The following LCNL1 variants were observed in gnomAD, a reference collection of about 807,000 sequenced individuals.
LCNL1 encodes lipocalin-like 1 protein.
A neutral mutation model predicts 7.9 loss-of-function variants in LCNL1; 11 were observed. That is an observed-to-expected ratio of 1.40 (90% CI 0.88 to 2.32). LCNL1 has a LOEUF of 2.32. Ranked by LOEUF, LCNL1 falls within the 30% of genes most tolerant of loss-of-function variation. The pLI is 0.00. For synonymous variants in LCNL1, 90 were observed against 92.5 expected, an observed-to-expected ratio of 0.97 and a Z score of 0.15; for missense variants, 218 against 217.0, an observed-to-expected ratio of 1.00 and a Z score of -0.03.
rs769336218 is a variant in LCNL1 at position 136,983,578 on chromosome 9, A to G, written c.-9A>G. ...TGCACTTGCCCTGCAGTTCCAGGGC[A>G]CCTGGTACATGGTCGGGGTGGTGTC... On this transcript the variant is annotated 5_prime_UTR_variant, in exon 1 of 3. Coordinates refer to ENST00000408973, the MANE Select transcript of LCNL1 (RefSeq NM_207510.4). 6.2e-7 allele frequency: 1 copy of G among 1,612,658 alleles called. No homozygotes were observed. The highest frequency in any genetic ancestry group is 1.1e-5 in the South Asian group (1 of 91,078).
intron 1 of LCNL1, 50 bp downstream of exon 1, chr9:136,983,758 A>G (rs1246261628): frequency 1.2e-6 from 2 of 1,601,090 alleles, no homozygotes; most frequent in Non-Finnish European, 1.7e-6. Context: ...GATGGCCAGC[A>G]TGAGGCCACA....
Position 136,984,954 on chromosome 9 carries a change from C to T in LCNL1, c.438C>T (p.Val146=). Residue 146 remains valine (V), a synonymous_variant, in exon 3 of 3, where the codon GTC becomes GTT. Coordinates refer to ENST00000408973, the MANE Select transcript of LCNL1 (RefSeq NM_207510.4). ...TAGSWCLWPR[V]PAPPCPSLPL... is the part of the protein sequence containing the mutation. ...GCTCCTGGTGTCTGTGGCCGCGGGT[C>T]CCGGCCCCTCCCTGCCCCTCTCTCC... is the stretch of plus-strand genomic sequence containing the variant. 6 of 1,543,426 alleles carry T rather than the reference C, an allele frequency of 3.9e-6. No individual in the cohort carries two copies. The highest frequency in any genetic ancestry group is 5.2e-6 in the Non-Finnish European group (6 of 1,146,862).
intron 2 of LCNL1, 50 bp from the exon 3 acceptor site, chr9:136,984,663 T>TC: frequency 6.6e-7 from 1 of 1,511,168 alleles, no homozygotes; most frequent in Non-Finnish European, 8.9e-7. Flanking sequence ...GGTGCCACGC[T>TC]CGGGGGGGAG....
In LCNL1 at chr9:136,983,572, C is replaced by G; in HGVS notation, c.-15C>G. On this transcript the variant is annotated 5_prime_UTR_variant, in exon 1 of 3. Coordinates refer to ENST00000408973, the MANE Select transcript of LCNL1 (RefSeq NM_207510.4). ...CTTCCCTGCACTTGCCCTGCAGTTC[C>G]AGGGCACCTGGTACATGGTCGGGGT... The G allele has an allele frequency of 6.2e-7, 1 of 1,611,748 alleles. No individual in the cohort carries two copies. The highest frequency in any genetic ancestry group is 8.5e-7 in the Non-Finnish European group (1 of 1,178,244).
chr9:136,984,002 G>A, intron 1 of LCNL1: 1 of 452,492 alleles, frequency 2.2e-6, no homozygotes. Flanking sequence ...ATTTCTGCAT[G>A]TGTGTGTGTC....
At chr9:136,984,107 T>C in intron 1 of LCNL1, 1 of 404,694 alleles carries the variant, frequency 2.5e-6, no homozygotes, top group Non-Finnish European at 4.5e-6. Flanking sequence ...TCTGTGTGTC[T>C]GTGTATCTGT....
chr9:136,985,234 G>C lies in LCNL1; in HGVS notation c.*223G>C, dbSNP rs998348109. ...TGGTCACTCCACTGATCTCAGATTCGGGACAGAAGTGCCCGGGGCAGACCC... is the reference window on the plus strand; with the variant it reads ...TGGTCACTCCACTGATCTCAGATTCCGGACAGAAGTGCCCGGGGCAGACCC... On this transcript the variant is annotated 3_prime_UTR_variant, in exon 3 of 3. Transcript: ENST00000408973. 30 of 512,718 alleles carry C rather than the reference G, an allele frequency of 5.9e-5. No homozygotes were observed. The highest frequency in any genetic ancestry group is 5.8e-4 in the African/African-American group (29 of 49,966). The allele number at this position is 512,718 out of a possible 1,614,324, so 31.8% of individuals were successfully genotyped here. A position where few individuals can be genotyped will look rare whatever the true frequency, so the allele number is the denominator to read the frequency against.
intron 1 of LCNL1, 141 bp from the exon 2 acceptor site, chr9:136,984,349 A>C: frequency 2.7e-6 from 2 of 746,190 alleles, no homozygotes; most frequent in Non-Finnish European, 4.2e-6. Context: ...CCCCACCTCT[A>C]AGGTCATCCT....
Position 136,984,070 on chromosome 9 carries a change from G to A in LCNL1, c.122+362G>A, listed in dbSNP as rs368036301. ...TAGATGTGTACCTCTGAGTGTGTATGTGTGTATCACTGTATGCGTCTGTGT... is the reference window on the plus strand; with the variant it reads ...TAGATGTGTACCTCTGAGTGTGTATATGTGTATCACTGTATGCGTCTGTGT... On this transcript the variant is annotated intron_variant, in intron 1 of 2. Coordinates refer to ENST00000408973, the MANE Select transcript of LCNL1 (RefSeq NM_207510.4). The A allele has an allele frequency of 4.6e-5, 19 of 416,748 alleles. No homozygotes were observed. The East Asian group carries it at 7.2e-4, about 16-fold the overall frequency. 25.8% of individuals were successfully genotyped at this position (416,748 alleles called of 1,614,324 possible). A position where few individuals can be genotyped will look rare whatever the true frequency, so the allele number is the denominator to read the frequency against.
rs932228730 is a variant in LCNL1, at chr9:136,985,435, T to C, written c.*424T>C. Reference sequence around the variant, plus strand: ...CGCGCTCTCCCGGGTGAGTAGACCATGGCCATGCGGAGCCGCGGACCATGG... The same window carrying C: ...CGCGCTCTCCCGGGTGAGTAGACCACGGCCATGCGGAGCCGCGGACCATGG... On this transcript the variant is annotated 3_prime_UTR_variant, in exon 3 of 3. Transcript: ENST00000408973. The C allele has an allele frequency of 6.0e-6, 1 of 166,194 alleles. No homozygotes were observed. The allele number at this position is 166,194 out of a possible 1,614,324, so 10.3% of individuals were successfully genotyped here. A position where few individuals can be genotyped will look rare whatever the true frequency, so the allele number is the denominator to read the frequency against.
At chr9:136,984,390 G>T in intron 1 of LCNL1, 100 bp from the exon 2 acceptor site, 3 of 1,098,802 alleles carry the variant, frequency 2.7e-6, no homozygotes, top group Non-Finnish European at 3.8e-6. Flanking sequence ...GATTGTGAGG[G>T]TGAACAGGGG....
At chr9:136,983,887 C>A (rs140194061) in intron 1 of LCNL1, 179 bp downstream of exon 1, 141 of 757,148 alleles carry the variant, frequency 1.9e-4, no homozygotes, top group Admixed American at 5.7e-4. Context: ...GGACCCAGGC[C>A]CTGGAGGAAG....
rs369155323 is a variant in LCNL1, at chr9:136,984,794, G to A, written c.278G>A (p.Gly93Asp). Residue 93 changes from glycine to aspartate, a missense_variant, in exon 3 of 3, where the codon GGC becomes GAC. Coordinates refer to ENST00000408973, the MANE Select transcript of LCNL1 (RefSeq NM_207510.4). ...CTGTACTTGGAGATGCGGAAAGGGG[G>A]CCTGCGGAACCAGTGGCTGCAGCTC... ...ALLYLEMRKG[G>D]LRNQWLQLYG... 1 of 1,578,620 alleles carries A rather than the reference G, an allele frequency of 6.3e-7. No individual in the cohort carries two copies. The highest frequency in any genetic ancestry group is 8.6e-7 in the Non-Finnish European group (1 of 1,160,350).
At position 136,985,055 on chromosome 9, in the gene LCNL1, T is replaced by G. The variant is rs1830485425; in HGVS notation, c.*44T>G. 1 of 1,417,274 alleles carries G rather than the reference T, an allele frequency of 7.1e-7. No individual in the cohort carries two copies. The highest frequency in any genetic ancestry group is 1.5e-5 in the African/African-American group (1 of 67,394). The allele number at this position is 1,417,274 out of a possible 1,614,324, so 87.8% of individuals were successfully genotyped here. A position where few individuals can be genotyped will look rare whatever the true frequency, so the allele number is the denominator to read the frequency against. ...CTTCAGCTCGAGCGCCCGAGCTGTT[T>G]CCCGAAGGCGCCCAGAAGATGCAGC... On this transcript the variant is annotated 3_prime_UTR_variant, in exon 3 of 3. Coordinates refer to ENST00000408973, the MANE Select transcript of LCNL1 (RefSeq NM_207510.4).
intron 1 of LCNL1, chr9:136,984,006 G>A (rs748682055): frequency 2.2e-6 from 1 of 450,386 alleles, no homozygotes; most frequent in Non-Finnish European, 4.1e-6. Context: ...CTGCATGTGT[G>A]TGTGTCTGTG....
rs1255021139 is a variant in LCNL1, at chr9:136,985,063, G to A, written c.*52G>A. The A allele has an allele frequency of 2.8e-6, 4 of 1,418,524 alleles. 1 individual carries two copies. Among genetic ancestry groups the A allele is most frequent in the East Asian group, 2.7e-5 (1 of 37,020 alleles). 87.9% of individuals were successfully genotyped at this position (1,418,524 alleles called of 1,614,324 possible). A position where few individuals can be genotyped will look rare whatever the true frequency, so the allele number is the denominator to read the frequency against. On this transcript the variant is annotated 3_prime_UTR_variant, in exon 3 of 3. Transcript: ENST00000408973. The stretch of plus-strand genomic sequence containing the variant: ...CGAGCGCCCGAGCTGTTTCCCGAAG[G>A]CGCCCAGAAGATGCAGCTACTGGCG...
rs1162846373 is a variant in LCNL1, at chr9:136,983,227, T to C, written c.-360T>C. The C allele has an allele frequency of 8.3e-6, 2 of 241,764 alleles. No homozygotes were observed. Among genetic ancestry groups the C allele is most frequent in the Admixed American group, 4.7e-5 (1 of 21,340 alleles). 15.0% of individuals were successfully genotyped at this position (241,764 alleles called of 1,614,324 possible). On this transcript the variant is annotated 5_prime_UTR_variant, in exon 1 of 3. Transcript: ENST00000408973. ...AGACTGCAGCCTCCATCCTACCTTTTCAGTTGCATCCCCCAACAATCCCCA... is the reference window on the plus strand; with the variant it reads ...AGACTGCAGCCTCCATCCTACCTTTCCAGTTGCATCCCCCAACAATCCCCA...
chr9:136,984,961 C>T lies in LCNL1; in HGVS notation c.445C>T (p.Pro149Ser). 1 of 1,550,074 alleles carries T rather than the reference C, an allele frequency of 6.5e-7. No homozygotes were observed. The highest frequency in any genetic ancestry group is 8.7e-7 in the Non-Finnish European group (1 of 1,146,340). Residue 149 changes from proline to serine, a missense_variant, in exon 3 of 3, where the codon CCT (proline) becomes TCT (serine). Pro to Ser is a moderately conservative substitution (Grantham distance 74, BLOSUM62 -1). Transcript: ENST00000408973. Reference protein sequence around the residue: ...SWCLWPRVPAPPCPSLPLFAP... With the variant: ...SWCLWPRVPASPCPSLPLFAP... ...GTGTCTGTGGCCGCGGGTCCCGGCC[C>T]CTCCCTGCCCCTCTCTCCCTCTCTT...
At chr9:136,984,595 TG>T in intron 2 of LCNL1, 32 bp downstream of exon 2, 1 of 1,531,784 alleles carries the variant, frequency 6.5e-7, no homozygotes, top group Non-Finnish European at 8.8e-7. Context: ...GGCTGTGGCG[TG>T]GGGGCCCTGG....
Sources: gnomAD v4.1 joint callset for allele counts on GRCh38, gnomAD v4.1.1 for gene constraint, MANE v1.5 for transcripts, NCBI Gene and HGNC (gene_info 2026-07-23, HGNC 2026-07-21) for gene names.